GPATCH2: variants seen among roughly 807,000 people sequenced by gnomAD.
The protein encoded by GPATCH2 is G patch domain-containing protein 2.
GPATCH2 carries 51 observed loss-of-function variants against 58.0 expected under a neutral mutation model. The observed-to-expected ratio is 0.88, with a 90% CI of 0.70 to 1.11. GPATCH2 has a LOEUF of 1.11. Ranked by LOEUF, GPATCH2 falls within the 50% of genes most tolerant of loss-of-function variation. The probability of loss-of-function intolerance (pLI) is 0.00; values close to 1 mark genes in which losing one functional copy is unlikely to be tolerated. For synonymous variants in GPATCH2, 222 were observed against 218.5 expected, an observed-to-expected ratio of 1.02 and a Z score of -0.14; for missense variants, 625 against 652.2, an observed-to-expected ratio of 0.96 and a Z score of 0.45.
intron 5 of GPATCH2, among the ~76,000 whole-genome samples, chr1:217,519,141 C>T (rs1663324933): frequency 6.6e-6 from 1 of 152,090 alleles, no homozygotes; most frequent in African/African-American, 2.4e-5. Context: ...TCTCTTATCC[C>T]CATACAGAAG....
At chr1:217,630,067 T>C (rs1390222041) in intron 1 of GPATCH2, among the ~76,000 whole-genome samples, 3 of 152,166 alleles carry the variant, frequency 2.0e-5, no homozygotes, top group African/African-American at 4.8e-5. Context: ...AATTGCTTGT[T>C]TGTGTCACTG....
At chr1:217,527,076 A>G (rs1262807520) in intron 5 of GPATCH2, among the ~76,000 whole-genome samples, 1 of 142,820 alleles carries the variant, frequency 7.0e-6, no homozygotes, top group African/African-American at 2.5e-5. Context: ...ATGTATTACA[A>G]TGTAATAATG....
intron 5 of GPATCH2, among the ~76,000 whole-genome samples, chr1:217,562,844 T>G (rs1053824737): frequency 6.6e-6 from 1 of 152,224 alleles, no homozygotes; most frequent in African/African-American, 2.4e-5. Flanking sequence ...CTAAGACACT[T>G]GGCACCCAAA....
At chr1:217,548,696 TG>T (rs1035246867) in intron 5 of GPATCH2, among the ~76,000 whole-genome samples, 3 of 152,092 alleles carry the variant, frequency 2.0e-5, no homozygotes, top group Admixed American at 1.3e-4. Context: ...AACTGAATCA[TG>T]GGGGCAGTTT....
At chr1:217,572,689 A>G (rs1350344046) in intron 5 of GPATCH2, among the ~76,000 whole-genome samples, 1 of 152,218 alleles carries the variant, frequency 6.6e-6, no homozygotes, top group African/African-American at 2.4e-5. Flanking sequence ...CCCTGGCTGC[A>G]TAGTAGAATT....
chr1:217,618,565 C>A (rs542551831), intron 2 of GPATCH2, among the ~76,000 whole-genome samples: 2 of 152,042 alleles, frequency 1.3e-5, no homozygotes, highest in South Asian at 4.2e-4. Context: ...GACTAGCACA[C>A]CATGTCTAAT....
intron 6 of GPATCH2, among the ~76,000 whole-genome samples, chr1:217,513,826 T>C (rs1294684498): frequency 1.5e-5 from 2 of 137,196 alleles, no homozygotes; most frequent in African/African-American, 5.2e-5. Context: ...AAAACCAGTC[T>C]TTTTTTTTTT....
At chr1:217,587,117 G>A (rs1471147208) in intron 5 of GPATCH2, among the ~76,000 whole-genome samples, 1 of 152,122 alleles carries the variant, frequency 6.6e-6, no homozygotes, top group Admixed American at 6.6e-5. Context: ...ATCTCAGATA[G>A]CTAGTTAAAA....
At chr1:217,501,161 G>A (rs1662282562) in intron 6 of GPATCH2, among the ~76,000 whole-genome samples, 1 of 151,912 alleles carries the variant, frequency 6.6e-6, no homozygotes, top group South Asian at 2.1e-4. Flanking sequence ...TTATAATTTT[G>A]TCATTTAAAT....
chr1:217,548,684 G>T (rs557760303), intron 5 of GPATCH2, among the ~76,000 whole-genome samples: 1 of 152,242 alleles, frequency 6.6e-6, no homozygotes, highest in African/African-American at 2.4e-5. Context: ...CCAGTGGGAG[G>T]TAACTGAATC....
chr1:217,596,677 A>C (rs1240102076), intron 5 of GPATCH2, among the ~76,000 whole-genome samples: 1 of 152,156 alleles, frequency 6.6e-6, no homozygotes, highest in Non-Finnish European at 1.5e-5. Context: ...TTATACTGCC[A>C]AACGAATGAA....
At chr1:217,456,704 G>A (rs548891978) in intron 8 of GPATCH2, among the ~76,000 whole-genome samples, 17 of 152,126 alleles carry the variant, frequency 1.1e-4, no homozygotes, top group Non-Finnish European at 1.6e-4. Context: ...AACAGAGAGG[G>A]TTACCCAAAA....
In GPATCH2 at chr1:217,620,393, G is replaced by C; in HGVS notation, c.163C>G (p.Arg55Gly). The C allele has an allele frequency of 6.2e-7, 1 of 1,613,860 alleles. No homozygotes were observed. Among genetic ancestry groups the C allele is most frequent in the Non-Finnish European group, 8.5e-7 (1 of 1,179,888 alleles). The change falls in exon 2 of 10, where the codon CGA becomes GGA. Residue 55 changes from arginine to glycine, a missense_variant. Transcript: ENST00000366935. ...GGFAETGDHS[R>G]SISCPLKRQA... is the part of the protein sequence containing the mutation. ...CGTTTCAGAGGGCAAGATATACTTC[G>C]AGAATGGTCTCCTGTTTCAGCAAAT...
intron 8 of GPATCH2, among the ~76,000 whole-genome samples, chr1:217,449,961 T>C (rs1201008374): frequency 1.3e-5 from 2 of 152,168 alleles, no homozygotes; most frequent in South Asian, 2.1e-4. Context: ...AAACATGATA[T>C]ATAAAAACCG....
intron 6 of GPATCH2, among the ~76,000 whole-genome samples, chr1:217,508,020 T>C (rs1662647342): frequency 6.6e-6 from 1 of 152,084 alleles, no homozygotes; most frequent in Non-Finnish European, 1.5e-5. Flanking sequence ...TTTTGAAATG[T>C]TTCATACCTA....
At chr1:217,523,500 A>C (rs1204000012) in intron 5 of GPATCH2, among the ~76,000 whole-genome samples, 2 of 151,550 alleles carry the variant, frequency 1.3e-5, no homozygotes, top group Non-Finnish European at 2.9e-5. Flanking sequence ...GTAAGGTCAC[A>C]GATCAACAGG....
chr1:217,603,253 C>T (rs994618679), intron 5 of GPATCH2, among the ~76,000 whole-genome samples: 3 of 151,824 alleles, frequency 2.0e-5, no homozygotes, highest in Non-Finnish European at 4.4e-5. Flanking sequence ...GAAGCAAGAA[C>T]CAATATTTTA....
intron 6 of GPATCH2, chr1:217,498,690 G>A (rs1368746856): frequency 2.0e-6 from 1 of 494,186 alleles, no homozygotes; most frequent in South Asian, 2.4e-5. Context: ...AATCAATTCT[G>A]GTTATAAAAC....
At position 217,576,204 on chromosome 1, in the gene GPATCH2, T is replaced by G. The variant is rs1334152525; in HGVS notation, c.1098+34117A>C. Among the ~76,000 whole-genome samples the G allele has an allele frequency of 1.1e-4, 16 of 152,298 alleles. No homozygotes were observed. The South Asian group carries it at 3.3e-3, about 32-fold the overall frequency. ...TTTATAATTCAACAATGCATTTTCCTATTATGAATACATATTTTTCCTGTC... is the reference window on the plus strand; with the variant it reads ...TTTATAATTCAACAATGCATTTTCCGATTATGAATACATATTTTTCCTGTC... On this transcript the variant is annotated intron_variant, in intron 5 of 9. Transcript: ENST00000366935.
Sources: gnomAD v4.1 joint callset for allele counts (sites outside exome capture counted in the v4.1 genomes callset) on GRCh38, gnomAD v4.1.1 for gene constraint, MANE v1.5 for transcripts, NCBI Gene and HGNC (gene_info 2026-07-23, HGNC 2026-07-21) for gene names.